DOC2B: variants seen among roughly 807,000 people sequenced by gnomAD.
DOC2B encodes the protein double C2-like domain-containing protein beta.
A neutral mutation model predicts 28.9 loss-of-function variants in DOC2B; 21 were observed. The observed-to-expected ratio is 0.73, with a 90% CI of 0.52 to 1.05. The LOEUF (loss-of-function observed/expected upper bound fraction) is 1.05, where lower values mean the gene tolerates loss of function less well. Ranked by LOEUF, DOC2B falls within the 50% of genes least tolerant of loss-of-function variation. The pLI is 0.00. For missense variants in DOC2B, 384 were observed against 421.1 expected (o/e 0.91, Z 0.77); for synonymous variants, 194 against 178.1 (o/e 1.09, Z -0.71).
At chr17:178,263 G>A (rs1237361677) in intron 1 of DOC2B, among the ~76,000 whole-genome samples, 2 of 152,206 alleles carry the variant, frequency 1.3e-5, no homozygotes, top group Non-Finnish European at 2.9e-5. Context: ...AAGGAAAAAC[G>A]CACAGCCACG....
chr17:156,208 C>T lies in DOC2B; in HGVS notation c.923+12G>A, dbSNP rs372515758. On this transcript the variant is annotated intron_variant, in intron 6 of 8. Transcript: ENST00000613549. The stretch of plus-strand genomic sequence containing the variant: ...AAGACGTGGCAGGTGGTCACGCGCA[C>T]GGCACACTCACGTTTTCACGTAGGG... 6.4e-5 allele frequency: 99 copies of T among 1,543,162 alleles called. No homozygotes were observed. In the African/African-American group the frequency reaches 6.4e-4, roughly 10 times the overall value.
At chr17:148,759 G>A (rs2040041967) in intron 7 of DOC2B, among the ~76,000 whole-genome samples, 1 of 152,066 alleles carries the variant, frequency 6.6e-6, no homozygotes, top group Non-Finnish European at 1.5e-5. Flanking sequence ...ATTTCCAGCC[G>A]TACTTGCCGC....
intron 5 of DOC2B, among the ~76,000 whole-genome samples, chr17:159,650 C>T (rs899742069): frequency 6.6e-6 from 1 of 152,078 alleles, no homozygotes; most frequent in African/African-American, 2.4e-5. Flanking sequence ...AAAAGTACCA[C>T]CAGAATGTGG....
rs868652289 is a variant in DOC2B, at chr17:180,422, G to C, written c.373+685C>G. 9.4e-3 allele frequency among the ~76,000 whole-genome samples: 1,426 copies of C among 152,164 alleles called. 29 individuals carry two copies. The highest frequency in any genetic ancestry group is 0.033 in the African/African-American group (1,353 of 41,568). ...GCGGGCTGGGGGGCCCTCTCTGCCC[G>C]GGGGCCGCGGGCGTAACAGGTGGGC... On this transcript the variant is annotated intron_variant, in intron 1 of 8. Transcript: ENST00000613549.
rs1328978922 is a variant in DOC2B, at chr17:181,336, G to A, written c.144C>T (p.Ala48=). Residue 48 remains alanine (A), a synonymous_variant, in exon 1 of 9, where the codon GCC becomes GCT. Transcript: ENST00000613549. The surrounding 1 kb of genome is among the most constrained non-coding windows in gnomAD (Gnocchi z 7.0). The part of the protein sequence containing the change: ...PRFPRGLPPD[A]GPRAAAPPDA... ...CCGGGGGTGCAGCGGCTCGGGGCCC[G>A]GCGTCCGGGGGCAGGCCCCGCGGGA... 2.7e-6 allele frequency: 3 copies of A among 1,131,354 alleles called. No homozygotes were observed. The highest frequency in any genetic ancestry group is 1.7e-5 in the African/African-American group (1 of 60,320). The allele number at this position is 1,131,354 out of a possible 1,614,324, so 70.1% of individuals were successfully genotyped here. A position where few individuals can be genotyped will look rare whatever the true frequency, so the allele number is the denominator to read the frequency against.
At chr17:177,630 T>C (rs993637993) in intron 1 of DOC2B, among the ~76,000 whole-genome samples, 3 of 152,250 alleles carry the variant, frequency 2.0e-5, no homozygotes, top group Non-Finnish European at 4.4e-5. Flanking sequence ...GGTCACCTGT[T>C]TGTCTTGGTT....
At position 147,509 on chromosome 17, in the gene DOC2B, T is replaced by C. The variant is rs2040028838; in HGVS notation, c.1171A>G (p.Lys391Glu). Residue 391 changes from lysine to glutamate, a missense_variant, in exon 9 of 9, where the codon AAG becomes GAG. Physicochemically the swap from Lys to Glu is moderately conservative, Grantham distance 56. Coordinates refer to ENST00000613549, the MANE Select transcript of DOC2B (RefSeq NM_003585.5). ...TGCCAGCGCTCGATGCGCTTGTCCTTGTTCTTCAGGCAGTCAAACCAGTGC... is the reference window on the plus strand; with the variant it reads ...TGCCAGCGCTCGATGCGCTTGTCCTCGTTCTTCAGGCAGTCAAACCAGTGC... ...LKHWFDCLKN[K>E]DKRIERWHTL... 2 of 398,688 alleles carry C rather than the reference T, an allele frequency of 5.0e-6. No individual in the cohort carries two copies. Among genetic ancestry groups the C allele is most frequent in the Admixed American group, 4.4e-5 (1 of 22,722 alleles). The allele number at this position is 398,688 out of a possible 1,614,324, so 24.7% of individuals were successfully genotyped here. A position where few individuals can be genotyped will look rare whatever the true frequency, so the allele number is the denominator to read the frequency against.
intron 1 of DOC2B, among the ~76,000 whole-genome samples, chr17:176,643 T>C (rs772217092): frequency 9.2e-5 from 14 of 152,206 alleles, no homozygotes; most frequent in Non-Finnish European, 2.1e-4. Context: ...GCTCAGCCGC[T>C]GCCCTGGAGA....
intron 6 of DOC2B, among the ~76,000 whole-genome samples, chr17:154,972 G>A (rs563898075): frequency 3.3e-5 from 5 of 152,042 alleles, no homozygotes; most frequent in South Asian, 2.1e-4. Flanking sequence ...CAGGTGATCC[G>A]TGCGCCTCGG....
At chr17:165,956 G>A (rs1297614590) in intron 2 of DOC2B, among the ~76,000 whole-genome samples, 1 of 152,166 alleles carries the variant, frequency 6.6e-6, no homozygotes, top group Non-Finnish European at 1.5e-5. Context: ...AAACCTTTGG[G>A]CCACCACATG....
intron 2 of DOC2B, 64 bp downstream of exon 2, chr17:172,473 C>T: frequency 7.1e-7 from 1 of 1,415,482 alleles, no homozygotes; most frequent in Non-Finnish European, 9.7e-7. Flanking sequence ...GTCTGGCCTC[C>T]CTGACCTAGG....
intron 1 of DOC2B, 118 bp from the exon 2 acceptor site, chr17:172,734 CACCA>C (rs1255698763): frequency 1.3e-6 from 1 of 772,992 alleles, no homozygotes; most frequent in Non-Finnish European, 2.0e-6. Flanking sequence ...TGGCGGCTGC[CACCA>C]ACCAAGCACC....
rs2040017241 is a variant in DOC2B, at chr17:146,181, C to G, written c.*1260G>C. The stretch of plus-strand genomic sequence containing the variant: ...CCCCAGAGACAAGGCCCTGGACGGC[C>G]ACTGATTACTCCCAAAAGGGACATC... On this transcript the variant is annotated 3_prime_UTR_variant, in exon 9 of 9. Coordinates refer to ENST00000613549, the MANE Select transcript of DOC2B (RefSeq NM_003585.5). 1 of 152,242 alleles carries G rather than the reference C, an allele frequency of 6.6e-6. No homozygotes were observed. Among genetic ancestry groups the G allele is most frequent in the Non-Finnish European group, 1.5e-5 (1 of 68,090 alleles). The allele number at this position is 152,242 out of a possible 1,614,324, so 9.4% of individuals were successfully genotyped here. A position where few individuals can be genotyped will look rare whatever the true frequency, so the allele number is the denominator to read the frequency against.
chr17:166,235 C>T (rs2040263196), intron 2 of DOC2B, among the ~76,000 whole-genome samples: 1 of 152,276 alleles, frequency 6.6e-6, no homozygotes, highest in African/African-American at 2.4e-5. Context: ...ACTGTGCTGC[C>T]ACCAACTTCT....
chr17:177,735 G>A (rs151226741), intron 1 of DOC2B, among the ~76,000 whole-genome samples: 3,893 of 152,294 alleles, frequency 0.026, 161 homozygotes, highest in African/African-American at 0.089. Flanking sequence ...CCGTAACATC[G>A]AGTGCATTAC....
At chr17:148,313 G>A in intron 7 of DOC2B, 44 bp from the exon 8 acceptor site, 1 of 398,680 alleles carries the variant, frequency 2.5e-6, no homozygotes, top group Non-Finnish European at 4.4e-6. Context: ...CTGGGCCTGG[G>A]CCTCCGCCGG....
In DOC2B at chr17:161,559, G is replaced by T; in HGVS notation, c.639-18C>A. ...CAGAGATCCTAGAGGGGGCGGTGGT[G>T]AGGGGCACAGCCAGTGCCTCAGACG... On this transcript the variant is annotated intron_variant, in intron 4 of 8. Coordinates refer to ENST00000613549, the MANE Select transcript of DOC2B (RefSeq NM_003585.5). The T allele has an allele frequency of 6.4e-7, 1 of 1,551,388 alleles. No individual in the cohort carries two copies. The highest frequency in any genetic ancestry group is 2.4e-5 in the East Asian group (1 of 40,916).
At chr17:174,164 C>A (rs527900753) in intron 1 of DOC2B, among the ~76,000 whole-genome samples, 21 of 152,320 alleles carry the variant, frequency 1.4e-4, no homozygotes, top group Non-Finnish European at 2.1e-4. Context: ...AGATCATCCC[C>A]TTCTAACACG....
chr17:169,038 G>T (rs1016891874), intron 2 of DOC2B, among the ~76,000 whole-genome samples: 54 of 152,108 alleles, frequency 3.6e-4, no homozygotes, highest in Admixed American at 2.8e-3. Context: ...GCTTTGAGAG[G>T]AGAGCTTCTC....
Sources: allele counts gnomAD v4.1 joint callset (sites outside exome capture counted in the v4.1 genomes callset), GRCh38; gene constraint gnomAD v4.1.1; non-coding constraint Gnocchi (gnomAD v3.1); transcripts MANE v1.5; gene names NCBI Gene and HGNC (gene_info 2026-07-23, HGNC 2026-07-21).